TNS1: variants seen among roughly 807,000 people sequenced by gnomAD.
The protein encoded by TNS1 is tensin 1.
Under a neutral mutation model 168.6 loss-of-function variants are expected in TNS1, and 62 were observed. That is an observed-to-expected ratio of 0.37 (90% CI 0.30 to 0.45). TNS1 has a LOEUF of 0.45. TNS1 is among the 20% of genes least tolerant of loss of function. TNS1 has a pLI of 1.00. For missense variants in TNS1, 2,240 were observed against 2,339.4 expected (o/e 0.96, Z 0.88); for synonymous variants, 934 against 933.2 (o/e 1.00, Z -0.02).
intron 3 of TNS1, among the ~76,000 whole-genome samples, chr2:217,956,145 T>C (rs904389515): frequency 4.6e-5 from 7 of 152,176 alleles, no homozygotes; most frequent in African/African-American, 1.7e-4. Context: ...AATTTTGTTT[T>C]TTTTGTTTGT....
intron 7 of TNS1, 27 bp from the exon 8 acceptor site, chr2:217,897,996 T>A: frequency 6.4e-7 from 1 of 1,573,920 alleles, no homozygotes; most frequent in Non-Finnish European, 8.6e-7. Flanking sequence ...CAGCGGAGGG[T>A]CCATATCAGA....
intron 3 of TNS1, among the ~76,000 whole-genome samples, chr2:217,960,692 A>G (rs1957474744): frequency 6.6e-6 from 1 of 152,100 alleles, no homozygotes; most frequent in South Asian, 2.1e-4. Context: ...TCTGTCCTTG[A>G]GATTCCAATT....
chr2:217,920,935 A>G, intron 3 of TNS1, among the ~76,000 whole-genome samples: 1 of 151,876 alleles, frequency 6.6e-6, no homozygotes, highest in Non-Finnish European at 1.5e-5. Flanking sequence ...AGGAGATGGC[A>G]ACTTGAACTT....
intron 4 of TNS1, among the ~76,000 whole-genome samples, chr2:217,916,057 T>C (rs1457980194): frequency 6.6e-6 from 1 of 152,206 alleles, no homozygotes; most frequent in African/African-American, 2.4e-5. Context: ...ATCTGTGACA[T>C]TGGGATCATC....
chr2:217,804,256 TTCTCTCTCTCTCTCTC>T lies in TNS1; in HGVS notation c.*187_*202del, dbSNP rs71403015. On this transcript the variant is annotated 3_prime_UTR_variant, in exon 33 of 33. Coordinates refer to ENST00000682258, the MANE Select transcript of TNS1 (RefSeq NM_001387777.1). ...GAATCCAAGTTCTTCTCCTCCATCT[TTCTCTCTCTCTCTCTC>T]TCTCTCTCTCTCTCTCTTTTCCCCC... The T allele has an allele frequency of 1.4e-5, 6 of 416,838 alleles. No individual in the cohort carries two copies. Among genetic ancestry groups the T allele is most frequent in the South Asian group, 6.0e-5 (2 of 33,146 alleles). 25.8% of individuals were successfully genotyped at this position (416,838 alleles called of 1,614,324 possible).
At chr2:217,906,637 C>T (rs1361760287) in intron 5 of TNS1, among the ~76,000 whole-genome samples, 1 of 152,188 alleles carries the variant, frequency 6.6e-6, no homozygotes, top group Non-Finnish European at 1.5e-5. Context: ...AAAACTGAGG[C>T]ACAGACAGGC....
chr2:218,022,193 C>T (rs1958811323), intron 1 of TNS1, among the ~76,000 whole-genome samples: 1 of 151,604 alleles, frequency 6.6e-6, no homozygotes, highest in Admixed American at 6.6e-5. Context: ...GAGAAAGAGA[C>T]AGAGGAGTAG....
chr2:218,027,851 C>T (rs1159807863), intron 1 of TNS1, among the ~76,000 whole-genome samples: 1 of 152,166 alleles, frequency 6.6e-6, no homozygotes, highest in African/African-American at 2.4e-5. Flanking sequence ...CCAGCATCCA[C>T]CCAGAGGCTC....
chr2:217,905,501 G>T, intron 6 of TNS1: 1 of 311,478 alleles, frequency 3.2e-6, no homozygotes, highest in South Asian at 2.4e-5. Flanking sequence ...ACTCCCTCCA[G>T]GGCCCTCCCC....
At position 217,836,100 on chromosome 2, in the gene TNS1, C is replaced by T. The variant is rs145224148; in HGVS notation, c.3119G>A (p.Ser1040Asn). The change falls in exon 20 of 33, where the codon AGC becomes AAC. Residue 1040 changes from serine to asparagine, a missense_variant. Coordinates refer to ENST00000682258, the MANE Select transcript of TNS1 (RefSeq NM_001387777.1). ...CTGGACAGGGGAGCGAACCCCAGGGCTACGAGGGGATGTGGCTTCTGGAGA... is the reference window on the plus strand; with the variant it reads ...CTGGACAGGGGAGCGAACCCCAGGGTTACGAGGGGATGTGGCTTCTGGAGA... ...NQSPEATSPR[S>N]PGVRSPVQCV... 3 of 1,613,978 alleles carry T rather than the reference C, an allele frequency of 1.9e-6. No individual in the cohort carries two copies. In the African/African-American group the frequency reaches 4.0e-5, roughly 22 times the overall value.
At chr2:217,907,168 C>T (rs1264321305) in intron 5 of TNS1, 42 bp downstream of exon 5, 2 of 703,000 alleles carry the variant, frequency 2.8e-6, no homozygotes, top group Non-Finnish European at 2.6e-6. Flanking sequence ...CACACCTGCC[C>T]AGGCTGTTCC....
intron 4 of TNS1, among the ~76,000 whole-genome samples, chr2:217,917,556 G>A (rs1350642593): frequency 2.0e-5 from 3 of 152,114 alleles, no homozygotes; most frequent in Admixed American, 6.5e-5. Context: ...TCGGCCGGGC[G>A]CGCAGTAGCT....
chr2:217,964,205 A>G (rs1264953959), intron 3 of TNS1, among the ~76,000 whole-genome samples: 1 of 152,256 alleles, frequency 6.6e-6, no homozygotes, highest in African/African-American at 2.4e-5. Flanking sequence ...GGTGCTGATC[A>G]TAATTGCTAG....
rs1265158257 is a variant in TNS1, at chr2:217,800,560, T to TG, written c.*3898dup. The TG allele has an allele frequency of 6.6e-6, 1 of 152,264 alleles. No homozygotes were observed. Among genetic ancestry groups the TG allele is most frequent in the Non-Finnish European group, 1.5e-5 (1 of 68,074 alleles). The allele number at this position is 152,264 out of a possible 1,614,324, so 9.4% of individuals were successfully genotyped here. On this transcript the variant is annotated 3_prime_UTR_variant, in exon 33 of 33. Coordinates refer to ENST00000682258, the MANE Select transcript of TNS1 (RefSeq NM_001387777.1). ...ACACGCACACACATACATCCACACT[T>TG]GCACATGCGCACACACGTCCTGTGT...
chr2:217,811,752 A>G (rs1026597530), intron 28 of TNS1, among the ~76,000 whole-genome samples: 2 of 150,614 alleles, frequency 1.3e-5, no homozygotes, highest in African/African-American at 2.4e-5. Context: ...GAAGCTAAAC[A>G]CTCCTTCCCT....
chr2:217,965,017 G>A (rs903717106), intron 3 of TNS1, among the ~76,000 whole-genome samples: 2 of 152,230 alleles, frequency 1.3e-5, no homozygotes, highest in Non-Finnish European at 2.9e-5. Context: ...GCGGAGCAGA[G>A]ATAAACAACT....
chr2:217,836,350 C>T (rs1945176655), intron 19 of TNS1, 139 bp from the exon 20 acceptor site: 1 of 805,440 alleles, frequency 1.2e-6, no homozygotes, highest in South Asian at 1.9e-5. Flanking sequence ...CCATTGTCTT[C>T]CCCTCAGCCC....
chr2:217,923,441 C>T lies in TNS1; in HGVS notation c.187-3205G>A, dbSNP rs188359552. Among the ~76,000 whole-genome samples, 383 of 152,346 alleles carry T rather than the reference C, an allele frequency of 2.5e-3. 7 individuals carry two copies. The highest frequency in any genetic ancestry group is 0.019 in the Admixed American group (293 of 15,300). The stretch of plus-strand genomic sequence containing the variant: ...TGCATTAATTAACTCATTTAATTCA[C>T]GTAACAATGCTGAGCGTTGTCATTA... On this transcript the variant is annotated intron_variant, in intron 3 of 32. Transcript: ENST00000682258.
At chr2:217,896,607 C>T (rs1253386631) in intron 8 of TNS1, among the ~76,000 whole-genome samples, 10 of 152,172 alleles carry the variant, frequency 6.6e-5, no homozygotes, top group Admixed American at 6.5e-4. Flanking sequence ...TTTCAGATTT[C>T]CAGCCTTCAG....
Sources: allele counts gnomAD v4.1 joint callset (sites outside exome capture counted in the v4.1 genomes callset), GRCh38; gene constraint gnomAD v4.1.1; transcripts MANE v1.5; gene names NCBI Gene and HGNC (gene_info 2026-07-23, HGNC 2026-07-21).